Variants in SMYD3 observed in about 807,000 individuals in gnomAD.
SMYD3 encodes histone-lysine N-methyltransferase SMYD3.
A neutral mutation model predicts 57.7 loss-of-function variants in SMYD3; 36 were observed. The observed-to-expected ratio is 0.62, with a 90% confidence interval of 0.48 to 0.82. SMYD3 has a LOEUF of 0.82. Ranked by LOEUF, SMYD3 falls within the 40% of genes least tolerant of loss-of-function variation. The probability of loss-of-function intolerance (pLI) is 0.00; values close to 1 mark genes in which losing one functional copy is unlikely to be tolerated. For missense variants in SMYD3, 515 were observed against 538.8 expected, an observed-to-expected ratio of 0.96 and a Z score of 0.44; for synonymous variants, 211 against 195.0, an observed-to-expected ratio of 1.08 and a Z score of -0.68.
At chr1:245,956,700 G>A (rs1273290988) in intron 5 of SMYD3, among the ~76,000 whole-genome samples, 1 of 152,090 alleles carries the variant, frequency 6.6e-6, no homozygotes. Context: ...CCCTGGGTAT[G>A]AGCCTGCTTC....
chr1:246,181,192 G>C (rs1304160866), intron 5 of SMYD3, among the ~76,000 whole-genome samples: 4 of 152,112 alleles, frequency 2.6e-5, no homozygotes. Flanking sequence ...AAGAGAGCAA[G>C]GCAAATCAAT....
chr1:245,795,577 C>T (rs2047488565), intron 10 of SMYD3, among the ~76,000 whole-genome samples: 2 of 152,108 alleles, frequency 1.3e-5, no homozygotes, highest in African/African-American at 4.8e-5. Flanking sequence ...TTTTTAATTT[C>T]CCATTGTTAT....
intron 1 of SMYD3, among the ~76,000 whole-genome samples, chr1:246,501,269 T>C (rs2068452355): frequency 6.6e-6 from 1 of 152,250 alleles, no homozygotes; most frequent in Non-Finnish European, 1.5e-5. Context: ...TCTACTCTAC[T>C]GACCCTTAAA....
Position 245,977,049 on chromosome 1 carries a change from G to GGGAAAGCCATCGTCTCTA in SMYD3, c.532-47113_532-47112insTAGAGACGATGGCTTTCC, listed in dbSNP as rs2058459595. Among the ~76,000 whole-genome samples the GGGAAAGCCATCGTCTCTA allele has an allele frequency of 2.0e-4, 2 of 10,006 alleles. 1 individual carries two copies. Among genetic ancestry groups the GGGAAAGCCATCGTCTCTA allele is most frequent in the African/African-American group, 4.3e-4 (2 of 4,626 alleles). 6.6% of individuals were successfully genotyped at this position (10,006 alleles called of 152,430 possible). A position where few individuals can be genotyped will look rare whatever the true frequency, so the allele number is the denominator to read the frequency against. On this transcript the variant is annotated intron_variant, in intron 5 of 11. Coordinates refer to ENST00000490107, the MANE Select transcript of SMYD3 (RefSeq NM_001167740.2). ...TAGCCCAGGGAAAGCCATCGTCTCC[G>GGGAAAGCCATCGTCTCTA]GCCCAGGGAAAGCCATCGTCTCTAG...
chr1:246,426,335 C>A (rs2067217898), intron 1 of SMYD3, among the ~76,000 whole-genome samples: 1 of 152,120 alleles, frequency 6.6e-6, no homozygotes, highest in Non-Finnish European at 1.5e-5. Flanking sequence ...GTACAGCCAT[C>A]ACCACAATGT....
chr1:245,808,044 G>T (rs967893615), intron 10 of SMYD3, among the ~76,000 whole-genome samples: 10 of 152,060 alleles, frequency 6.6e-5, no homozygotes, highest in Non-Finnish European at 1.3e-4. Context: ...AAATGTAAAG[G>T]GCGATTCAAA....
At chr1:245,753,768 G>A (rs901752724) in intron 11 of SMYD3, among the ~76,000 whole-genome samples, 5 of 152,196 alleles carry the variant, frequency 3.3e-5, no homozygotes, top group Non-Finnish European at 5.9e-5. Context: ...TCTGACAAAC[G>A]AGAGCAATTG....
At chr1:245,876,033 A>G (rs563317541) in intron 8 of SMYD3, among the ~76,000 whole-genome samples, 1 of 152,324 alleles carries the variant, frequency 6.6e-6, no homozygotes, top group East Asian at 1.9e-4. Context: ...GCTTTTTAAA[A>G]TATGTATCAG....
At chr1:246,270,580 T>C (rs971148518) in intron 5 of SMYD3, among the ~76,000 whole-genome samples, 2 of 152,200 alleles carry the variant, frequency 1.3e-5, no homozygotes, top group Non-Finnish European at 2.9e-5. Context: ...GTATTTGTCT[T>C]TAATGTGGCT....
chr1:245,997,147 G>A (rs746743287), intron 5 of SMYD3, among the ~76,000 whole-genome samples: 1 of 152,200 alleles, frequency 6.6e-6, no homozygotes, highest in South Asian at 2.1e-4. Flanking sequence ...CTACACGACG[G>A]GACACTTAAT....
intron 5 of SMYD3, among the ~76,000 whole-genome samples, chr1:245,946,188 T>C (rs2057423742): frequency 6.6e-6 from 1 of 152,192 alleles, no homozygotes; most frequent in Non-Finnish European, 1.5e-5. Context: ...TTTAGGTTTT[T>C]TCTCTGAAGA....
At chr1:246,054,266 T>C (rs920147680) in intron 5 of SMYD3, among the ~76,000 whole-genome samples, 2 of 152,152 alleles carry the variant, frequency 1.3e-5, no homozygotes, top group African/African-American at 4.8e-5. Flanking sequence ...AGACTGACAC[T>C]ACCAGGTCTT....
At chr1:246,191,062 C>T (rs1410137859) in intron 5 of SMYD3, among the ~76,000 whole-genome samples, 1 of 152,244 alleles carries the variant, frequency 6.6e-6, no homozygotes, top group Admixed American at 6.5e-5. Flanking sequence ...CAGAGAGAAA[C>T]TGAGGGGAAG....
intron 5 of SMYD3, among the ~76,000 whole-genome samples, chr1:246,205,262 C>T (rs756535694): frequency 3.4e-4 from 51 of 152,218 alleles, no homozygotes; most frequent in Non-Finnish European, 3.4e-4. Context: ...ACTTAGGTGT[C>T]ATCTCTTTCT....
In SMYD3 at chr1:246,169,014, A is replaced by C. The variant is rs111603547; in HGVS notation, c.531+158187T>G. On this transcript the variant is annotated intron_variant, in intron 5 of 11. Coordinates refer to ENST00000490107, the MANE Select transcript of SMYD3 (RefSeq NM_001167740.2). The stretch of plus-strand genomic sequence containing the variant: ...ATTTGTAATACACAATTTTATACCT[A>C]TAATTCTTTCTGTCATTTTACATTG... 1.6e-3 allele frequency among the ~76,000 whole-genome samples: 247 copies of C among 152,274 alleles called. 1 individual carries two copies. Among genetic ancestry groups the C allele is most frequent in the African/African-American group, 5.5e-3 (229 of 41,558 alleles).
chr1:246,328,615 C>CT (rs58373705), intron 4 of SMYD3, among the ~76,000 whole-genome samples: 492 of 149,428 alleles, frequency 3.3e-3, no homozygotes, highest in African/African-American at 0.011. Flanking sequence ...CCAATGATTT[C>CT]TTTTTTTTTC....
intron 5 of SMYD3, among the ~76,000 whole-genome samples, chr1:246,288,731 G>A (rs191718768): frequency 2.0e-5 from 3 of 152,292 alleles, no homozygotes. Context: ...GCACCATTAA[G>A]GGGTAAGTTT....
At chr1:245,796,916 T>C (rs190599913) in intron 10 of SMYD3, among the ~76,000 whole-genome samples, 1 of 152,312 alleles carries the variant, frequency 6.6e-6, no homozygotes, top group East Asian at 1.9e-4. Flanking sequence ...TTCCAATTAG[T>C]CTGTCAAAAA....
chr1:246,208,969 T>C (rs555129815), intron 5 of SMYD3, among the ~76,000 whole-genome samples: 16 of 152,294 alleles, frequency 1.1e-4, no homozygotes, highest in African/African-American at 3.4e-4. Flanking sequence ...TCAGAAAATA[T>C]ATTATTTCGC....
Sources: gnomAD v4.1 joint callset for allele counts (sites outside exome capture counted in the v4.1 genomes callset) on GRCh38, gnomAD v4.1.1 for gene constraint, MANE v1.5 for transcripts, NCBI Gene and HGNC (gene_info 2026-07-23, HGNC 2026-07-21) for gene names.